CREG2: variants seen among roughly 807,000 people sequenced by gnomAD.
CREG2 encodes the protein cellular repressor of E1A stimulated genes 2, also known as protein CREG2.
In CREG2, 24 loss-of-function variants were observed where a neutral mutation model predicts 26.2. That is an observed-to-expected ratio of 0.92 (90% CI 0.66 to 1.29). The LOEUF is 1.29. Ranked by LOEUF, CREG2 falls within the 50% of genes most tolerant of loss-of-function variation. The pLI is 0.00. For synonymous variants in CREG2, 174 were observed against 169.2 expected (o/e 1.03, Z -0.22); for missense variants, 366 against 398.6 (o/e 0.92, Z 0.70).
intron 2 of CREG2, among the ~76,000 whole-genome samples, chr2:101,363,706 C>T (rs56151264): frequency 1.4e-4 from 22 of 151,984 alleles, no homozygotes; most frequent in Non-Finnish European, 2.9e-4. Flanking sequence ...GAAAATTGGC[C>T]GGGCGTTGTG....
At chr2:101,355,105 A>G in intron 3 of CREG2, 148 bp downstream of exon 3, 1 of 615,448 alleles carries the variant, frequency 1.6e-6, no homozygotes, top group Admixed American at 2.7e-5. Flanking sequence ...AGTGATCTCC[A>G]TAGCCAGGCT....
In CREG2 at chr2:101,369,753, G is replaced by A. The variant is rs573100055; in HGVS notation, c.611+13780C>T. Among the ~76,000 whole-genome samples the A allele has an allele frequency of 4.1e-4, 63 of 152,104 alleles. No homozygotes were observed. In the South Asian group the frequency reaches 4.6e-3, roughly 11 times the overall value. On this transcript the variant is annotated intron_variant, in intron 2 of 3. Coordinates refer to ENST00000324768, the MANE Select transcript of CREG2 (RefSeq NM_153836.4). ...TCCGTGACGGTGTTTAGCATGGCTC[G>A]TTACCCAGCAGATGCTCAGTGAGTA...
In CREG2 at chr2:101,355,356, C is replaced by G; in HGVS notation, c.622G>C (p.Val208Leu). Residue 208 changes from valine to leucine, a missense_variant, in exon 3 of 4, where the codon GTT (valine) becomes CTT (leucine). Val to Leu is a conservative substitution (Grantham distance 32). Coordinates refer to ENST00000324768, the MANE Select transcript of CREG2 (RefSeq NM_153836.4). ...SEGEFCRKNI[V>L]DPEDPRCVQL... ...ACACATCGGGGATCTTCCGGATCAA[C>G]GATGTTTTTTCTGCATGTGAAAAAC... is the stretch of plus-strand genomic sequence containing the variant. 3 of 1,612,628 alleles carry G rather than the reference C, an allele frequency of 1.9e-6. No homozygotes were observed. Among genetic ancestry groups the G allele is most frequent in the Non-Finnish European group, 2.5e-6 (3 of 1,178,714 alleles).
chr2:101,385,856 G>A (rs902516619), intron 1 of CREG2, among the ~76,000 whole-genome samples: 1 of 152,186 alleles, frequency 6.6e-6, no homozygotes, highest in Non-Finnish European at 1.5e-5. Flanking sequence ...TCCTAACAAA[G>A]CTAAGAGAAG....
rs755714159 is a variant in CREG2 at position 101,355,340 on chromosome 2, G to A, written c.638C>T (p.Pro213Leu). The change falls in exon 3 of 4, where the codon CCC becomes CTC. Residue 213 changes from proline (P) to leucine (L), a missense_variant. Pro to Leu is a moderately conservative substitution (Grantham distance 98). This residue lies in a region of CREG2 where 174 missense variants were observed against 178.2 expected (regional missense o/e 0.98). Transcript: ENST00000324768. ...CRKNIVDPED[P>L]RCVQLTLTGQ... ...AGTGAGCGTTAACTGGACACATCGG[G>A]GATCTTCCGGATCAACGATGTTTTT... 2.5e-6 allele frequency: 4 copies of A among 1,613,220 alleles called. No individual in the cohort carries two copies. In the Admixed American group the frequency reaches 5.0e-5, roughly 20 times the overall value.
At position 101,387,261 on chromosome 2, in the gene CREG2, G is replaced by A; in HGVS notation, c.197C>T (p.Ser66Leu). ...GAAGCTTTGCTGCCAGATGCTGCCCGAATCCTCTAGCAGCGCGGGCATAGC... is the reference window on the plus strand; with the variant it reads ...GAAGCTTTGCTGCCAGATGCTGCCCAAATCCTCTAGCAGCGCGGGCATAGC... Reference protein sequence around the residue: ...EEAMPALLEDSGSIWQQSFPA... With the variant: ...EEAMPALLEDLGSIWQQSFPA... Residue 66 changes from serine (S) to leucine (L), a missense_variant, in exon 1 of 4, where the codon TCG (serine) becomes TTG (leucine). By Grantham distance (145) the Ser-to-Leu change is moderately radical. Transcript: ENST00000324768. This position sits in a 1 kb window ranked among gnomAD's most constrained non-coding sequence, Gnocchi z 4.7. The A allele has an allele frequency of 1.4e-6, 2 of 1,468,780 alleles. No homozygotes were observed. Among genetic ancestry groups the A allele is most frequent in the Non-Finnish European group, 1.8e-6 (2 of 1,101,286 alleles). 91.0% of individuals were successfully genotyped at this position (1,468,780 alleles called of 1,614,324 possible).
chr2:101,384,240 T>G (rs889614134), intron 1 of CREG2, among the ~76,000 whole-genome samples: 1 of 152,220 alleles, frequency 6.6e-6, no homozygotes, highest in African/African-American at 2.4e-5. Flanking sequence ...ATTTATTAGC[T>G]GCATTTTTTA....
intron 2 of CREG2, among the ~76,000 whole-genome samples, chr2:101,363,977 G>GA (rs1558816478): frequency 6.6e-6 from 1 of 152,148 alleles, no homozygotes; most frequent in African/African-American, 2.4e-5. Flanking sequence ...TCAACTGGGA[G>GA]AAGTTTCCTC....
chr2:101,352,987 C>G (rs1343012322), intron 3 of CREG2, among the ~76,000 whole-genome samples: 2 of 152,198 alleles, frequency 1.3e-5, no homozygotes, highest in African/African-American at 4.8e-5. Flanking sequence ...CTACTGAAAG[C>G]TGGAGGTAAA....
At chr2:101,358,525 T>C (rs1258437016) in intron 2 of CREG2, among the ~76,000 whole-genome samples, 1 of 152,200 alleles carries the variant, frequency 6.6e-6, no homozygotes, top group Non-Finnish European at 1.5e-5. Flanking sequence ...AAATTGGAAG[T>C]AACCAAAAAG....
At chr2:101,370,591 A>T (rs551982414) in intron 2 of CREG2, among the ~76,000 whole-genome samples, 1 of 152,306 alleles carries the variant, frequency 6.6e-6, no homozygotes, top group Admixed American at 6.5e-5. Context: ...CTCTTATTTA[A>T]CTGTGGATCA....
rs1368304214 is a variant in CREG2, at chr2:101,387,440, G to A, written c.18C>T (p.Gly6=). 1.6e-6 allele frequency: 2 copies of A among 1,238,320 alleles called. No individual in the cohort carries two copies. The highest frequency in any genetic ancestry group is 2.0e-6 in the Non-Finnish European group (2 of 982,834). 76.7% of individuals were successfully genotyped at this position (1,238,320 alleles called of 1,614,324 possible). MSVRR[G]RRPARPGTRL... ...GGGTCCCCGGCCGCGCCGGCCGCCG[G>A]CCGCGGCGCACGGACATCTTGCAGG... Residue 6 remains glycine (G), a synonymous_variant, in exon 1 of 4, where the codon GGC becomes GGT. Coordinates refer to ENST00000324768, the MANE Select transcript of CREG2 (RefSeq NM_153836.4). The surrounding 1 kb of genome is among the most constrained non-coding windows in gnomAD (Gnocchi z 4.7).
At position 101,386,931 on chromosome 2, in the gene CREG2, C is replaced by T. The variant is rs1573321843; in HGVS notation, c.441+86G>A. Reference sequence around the variant, plus strand: ...GTCTGGTGGACCCGGATCTCAGTCCCGAGCGGTCGCGAGCACGTCCCTGTC... The same window carrying T: ...GTCTGGTGGACCCGGATCTCAGTCCTGAGCGGTCGCGAGCACGTCCCTGTC... On this transcript the variant is annotated intron_variant, in intron 1 of 3. Transcript: ENST00000324768. The T allele has an allele frequency of 2.5e-6, 3 of 1,201,958 alleles. No individual in the cohort carries two copies. In the African/African-American group the frequency reaches 4.7e-5, roughly 19 times the overall value. The allele number at this position is 1,201,958 out of a possible 1,614,324, so 74.5% of individuals were successfully genotyped here.
intron 2 of CREG2, chr2:101,382,646 A>T: frequency 1.0e-6 from 1 of 985,464 alleles, no homozygotes; most frequent in Non-Finnish European, 1.2e-6. Context: ...CTTATCCAGG[A>T]TGCATCTTGC....
At chr2:101,374,013 G>A (rs1264377949) in intron 2 of CREG2, among the ~76,000 whole-genome samples, 4 of 152,192 alleles carry the variant, frequency 2.6e-5, no homozygotes, top group Admixed American at 2.6e-4. Flanking sequence ...CTATAGGCGT[G>A]CACCACTACA....
At chr2:101,363,689 A>G (rs970323657) in intron 2 of CREG2, among the ~76,000 whole-genome samples, 3 of 152,158 alleles carry the variant, frequency 2.0e-5, no homozygotes, top group African/African-American at 4.8e-5. Context: ...TTTTTTTATA[A>G]TATAGAGAAA....
Position 101,387,251 on chromosome 2 carries a change from G to T in CREG2, c.207C>A (p.Ile69=). Residue 69 remains isoleucine (I), a synonymous_variant, in exon 1 of 4, where the codon ATC becomes ATA. Coordinates refer to ENST00000324768, the MANE Select transcript of CREG2 (RefSeq NM_153836.4). The surrounding 1 kb of genome is among the most constrained non-coding windows in gnomAD (Gnocchi z 4.7). ...MPALLEDSGS[I]WQQSFPASAH... is the part of the protein sequence containing the mutation. ...CAGAGGCGGGGAAGCTTTGCTGCCA[G>T]ATGCTGCCCGAATCCTCTAGCAGCG... The T allele has an allele frequency of 6.9e-7, 1 of 1,454,728 alleles. No individual in the cohort carries two copies. Among genetic ancestry groups the T allele is most frequent in the Non-Finnish European group, 9.1e-7 (1 of 1,093,330 alleles). The allele number at this position is 1,454,728 out of a possible 1,614,324, so 90.1% of individuals were successfully genotyped here. A position where few individuals can be genotyped will look rare whatever the true frequency, so the allele number is the denominator to read the frequency against.
In CREG2 at chr2:101,383,640, A is replaced by G. The variant is rs1021325627; in HGVS notation, c.504T>C (p.Thr168=). 4.3e-6 allele frequency: 7 copies of G among 1,614,022 alleles called. No homozygotes were observed. Among genetic ancestry groups the G allele is most frequent in the Non-Finnish European group, 8.5e-7 (1 of 1,179,994 alleles). Residue 168 remains threonine (T), a synonymous_variant, in exon 2 of 4, where the codon ACT becomes ACC. Transcript: ENST00000324768. ...PVSDGPFNNS[T]GIPFFYMTAK... ...CTGTCATGTAGAAGAAAGGAATCCC[A>G]GTGCTATTGTTGAAGGGGCCATCAC...
intron 2 of CREG2, among the ~76,000 whole-genome samples, chr2:101,377,973 A>G (rs1347119590): frequency 6.6e-6 from 1 of 152,204 alleles, no homozygotes; most frequent in Non-Finnish European, 1.5e-5. Flanking sequence ...CAACATATGC[A>G]ATGTGATGAT....
Sources: gnomAD v4.1 joint callset for allele counts (sites outside exome capture counted in the v4.1 genomes callset) on GRCh38, gnomAD v4.1.1 for gene constraint, gnomAD v4.1.1 regional missense constraint, Gnocchi (gnomAD v3.1) non-coding constraint, MANE v1.5 for transcripts, NCBI Gene and HGNC (gene_info 2026-07-23, HGNC 2026-07-21) for gene names.